The following RPRD2 variants were observed in gnomAD, a reference collection of about 807,000 sequenced individuals.
RPRD2 encodes the protein regulation of nuclear pre-mRNA domain containing 2.
RPRD2 carries 12 observed loss-of-function variants against 104.4 expected under a neutral mutation model. The observed-to-expected ratio is 0.11, with a 90% confidence interval of 0.07 to 0.19. RPRD2 has a LOEUF of 0.19. RPRD2 is among the 10% of genes least tolerant of loss of function. RPRD2 has a pLI of 1.00. For synonymous variants in RPRD2, 714 were observed against 684.9 expected, an observed-to-expected ratio of 1.04 and a Z score of -0.66; for missense variants, 1,543 against 1,790.1, an observed-to-expected ratio of 0.86 and a Z score of 2.49.
intron 7 of RPRD2, among the ~76,000 whole-genome samples, chr1:150,457,035 C>T (rs989761668): frequency 2.0e-4 from 31 of 151,950 alleles, no homozygotes; most frequent in Admixed American, 2.0e-3. Flanking sequence ...ACCAGCGTGG[C>T]CAACATGGTG....
intron 3 of RPRD2, chr1:150,441,517 T>C: frequency 4.8e-6 from 1 of 210,310 alleles, no homozygotes; most frequent in East Asian, 1.2e-4. Context: ...AATTAAGTTA[T>C]TGAACAGAAG....
At position 150,400,906 on chromosome 1, in the gene RPRD2, C is replaced by T. The variant is rs182066046; in HGVS notation, c.206-16690C>T. ...TTTTTAAAAAAAAGAGGGCTGGGCGCGGTGGCTCACGCTGGCTCCCAGCAC... is the reference window on the plus strand; with the variant it reads ...TTTTTAAAAAAAAGAGGGCTGGGCGTGGTGGCTCACGCTGGCTCCCAGCAC... On this transcript the variant is annotated intron_variant, in intron 1 of 10. Transcript: ENST00000369068. Among the ~76,000 whole-genome samples, 444 of 151,652 alleles carry T rather than the reference C, an allele frequency of 2.9e-3. 3 individuals are homozygous for T. Among genetic ancestry groups the T allele is most frequent in the African/African-American group, 1.0e-2 (413 of 41,316 alleles).
intron 1 of RPRD2, among the ~76,000 whole-genome samples, chr1:150,402,612 G>C (rs587600247): frequency 2.6e-5 from 4 of 152,166 alleles, no homozygotes; most frequent in Admixed American, 2.6e-4. Flanking sequence ...AGAGGTTGAG[G>C]CTGCAGTGAA....
At chr1:150,454,602 C>A (rs920850729) in intron 7 of RPRD2, among the ~76,000 whole-genome samples, 1 of 152,106 alleles carries the variant, frequency 6.6e-6, no homozygotes, top group Non-Finnish European at 1.5e-5. Flanking sequence ...AATCCCAGCA[C>A]TTTGGGAGGC....
At chr1:150,452,445 T>C (rs182633079) in intron 7 of RPRD2, among the ~76,000 whole-genome samples, 1 of 152,282 alleles carries the variant, frequency 6.6e-6, no homozygotes, top group East Asian at 1.9e-4. Flanking sequence ...GAAACTAATA[T>C]ACCAATTAAT....
chr1:150,468,107 A>G (rs1668391749), intron 10 of RPRD2, among the ~76,000 whole-genome samples: 1 of 152,154 alleles, frequency 6.6e-6, no homozygotes, highest in Admixed American at 6.5e-5. Context: ...GGTTGCAGTG[A>G]GCCAGCCTGG....
intron 1 of RPRD2, among the ~76,000 whole-genome samples, chr1:150,412,227 G>A (rs1467401963): frequency 1.3e-5 from 2 of 152,206 alleles, no homozygotes; most frequent in Non-Finnish European, 2.9e-5. Context: ...AAATGCTATA[G>A]TAGGTAAAAG....
intron 2 of RPRD2, among the ~76,000 whole-genome samples, chr1:150,424,054 AG>A (rs1664947787): frequency 6.6e-6 from 1 of 152,080 alleles, no homozygotes; most frequent in Non-Finnish European, 1.5e-5. Flanking sequence ...GGCCTCCCAG[AG>A]TGCTGGGATT....
At chr1:150,392,719 C>T (rs1021734104) in intron 1 of RPRD2, among the ~76,000 whole-genome samples, 2 of 151,850 alleles carry the variant, frequency 1.3e-5, no homozygotes, top group Admixed American at 6.6e-5. Flanking sequence ...AACAAGTACC[C>T]GTAGTCCCAG....
chr1:150,466,025 AAAAAAAAAAT>A (rs1553899872), intron 10 of RPRD2, among the ~76,000 whole-genome samples: 6 of 142,666 alleles, frequency 4.2e-5, no homozygotes, highest in Non-Finnish European at 3.2e-5. Flanking sequence ...AAAAAAAAAA[AAAAAAAAAAT>A]TTTTTTATGA....
chr1:150,411,642 T>C (rs1450033629), intron 1 of RPRD2, among the ~76,000 whole-genome samples: 2 of 123,870 alleles, frequency 1.6e-5, no homozygotes, highest in African/African-American at 6.8e-5. Flanking sequence ...AATACAAAAA[T>C]TAGCCAGGCG....
At chr1:150,402,823 C>T (rs1285286129) in intron 1 of RPRD2, among the ~76,000 whole-genome samples, 2 of 152,078 alleles carry the variant, frequency 1.3e-5, no homozygotes, top group East Asian at 3.9e-4. Context: ...GAAAATTAGC[C>T]GGGCATGATG....
chr1:150,427,271 G>A (rs1351557171), intron 2 of RPRD2, among the ~76,000 whole-genome samples: 1 of 152,072 alleles, frequency 6.6e-6, no homozygotes, highest in African/African-American at 2.4e-5. Flanking sequence ...TCCGGAGATC[G>A]AGACCATCCT....
At chr1:150,384,314 A>G (rs1464689874) in intron 1 of RPRD2, among the ~76,000 whole-genome samples, 1 of 152,010 alleles carries the variant, frequency 6.6e-6, no homozygotes, top group Non-Finnish European at 1.5e-5. Context: ...TTCAAAAACT[A>G]TGTGAAACAG....
At chr1:150,462,579 A>T (rs934885546) in intron 9 of RPRD2, among the ~76,000 whole-genome samples, 4 of 152,068 alleles carry the variant, frequency 2.6e-5, no homozygotes, top group African/African-American at 9.7e-5. Context: ...ATTTTGAGAC[A>T]GTCTCACTCT....
At chr1:150,417,488 G>GA (rs11362082) in intron 1 of RPRD2, 108 bp from the exon 2 acceptor site, 1,227 of 781,142 alleles carry the variant, frequency 1.6e-3, no homozygotes, top group South Asian at 3.3e-3. Context: ...ATCCATGTAA[G>GA]AAAAAAAAAA....
Position 150,410,030 on chromosome 1 carries a change from C to T in RPRD2, c.206-7566C>T, listed in dbSNP as rs587638952. On this transcript the variant is annotated intron_variant, in intron 1 of 10. Coordinates refer to ENST00000369068, the MANE Select transcript of RPRD2 (RefSeq NM_015203.5). ...GCAAGATTTAAAGGTGGTGATTGAA[C>T]GAGCCATGAGAAAAACGGGGGAAGA... Among the ~76,000 whole-genome samples, 10 of 152,114 alleles carry T rather than the reference C, an allele frequency of 6.6e-5. No individual in the cohort carries two copies. The East Asian group carries it at 9.7e-4, about 15-fold the overall frequency.
At chr1:150,457,618 C>A in intron 8 of RPRD2, 48 bp downstream of exon 8, 1 of 1,539,630 alleles carries the variant, frequency 6.5e-7, no homozygotes, top group Non-Finnish European at 8.9e-7. Context: ...ATCTGTTTTG[C>A]CTTCTCAGCA....
intron 2 of RPRD2, among the ~76,000 whole-genome samples, chr1:150,428,589 C>T (rs1665331073): frequency 6.6e-6 from 1 of 151,996 alleles, no homozygotes; most frequent in Non-Finnish European, 1.5e-5. Flanking sequence ...GAGCTATTCT[C>T]ATGCGTCAGC....
Sources: gnomAD v4.1 joint callset for allele counts (sites outside exome capture counted in the v4.1 genomes callset) on GRCh38, gnomAD v4.1.1 for gene constraint, MANE v1.5 for transcripts, NCBI Gene and HGNC (gene_info 2026-07-23, HGNC 2026-07-21) for gene names.